The following FHAD1 variants were observed in gnomAD, a reference collection of about 807,000 sequenced individuals.
FHAD1 encodes the protein forkhead associated phosphopeptide binding domain 1.
In FHAD1, 146 loss-of-function variants were observed where a neutral mutation model predicts 191.3. The ratio of observed to expected loss-of-function variants is 0.76; its 90% CI spans 0.67 to 0.88. The LOEUF (loss-of-function observed/expected upper bound fraction) is 0.88. Among genes scored for constraint, FHAD1 ranks in the 40% least tolerant of loss-of-function variants. The probability of loss-of-function intolerance (pLI) is 0.00; values close to 1 mark genes in which losing one functional copy is unlikely to be tolerated. For missense variants in FHAD1, 1,635 were observed against 1,785.8 expected (o/e 0.92, Z 1.52); for synonymous variants, 616 against 672.3 (o/e 0.92, Z 1.29).
intron 6 of FHAD1, among the ~76,000 whole-genome samples, chr1:15,304,733 G>A (rs1669878397): frequency 6.6e-6 from 1 of 152,170 alleles, no homozygotes; most frequent in African/African-American, 2.4e-5. Flanking sequence ...TGCAGCCCAT[G>A]TCCCTCCATC....
In FHAD1 at chr1:15,263,510, C is replaced by CTTTTTTTT. The variant is rs771788861; in HGVS notation, c.94-8795_94-8788dup. 2.0e-3 allele frequency among the ~76,000 whole-genome samples: 148 copies of CTTTTTTTT among 75,078 alleles called. 4 individuals carry two copies. Among genetic ancestry groups the CTTTTTTTT allele is most frequent in the Non-Finnish European group, 2.7e-3 (99 of 37,182 alleles). 49.3% of individuals were successfully genotyped at this position (75,078 alleles called of 152,430 possible). ...TGTAAGTTAAGGGTCCAGTTTTATTCTTTTTTTTTTTTTTTTTTTTTTTTT... is the reference window on the plus strand; with the variant it reads ...TGTAAGTTAAGGGTCCAGTTTTATTCTTTTTTTTTTTTTTTTTTTTTTTTTTTTTTTTT... On this transcript the variant is annotated intron_variant, in intron 2 of 33. Coordinates refer to ENST00000688493, the MANE Select transcript of FHAD1 (RefSeq NM_001391957.1).
chr1:15,242,252 A>G (rs1013850173), upstream of FHAD1, among the ~76,000 whole-genome samples: 115 of 135,866 alleles, frequency 8.5e-4, no homozygotes, highest in African/African-American at 3.0e-3. Context: ...AAAAAAAAAA[A>G]AGTTTACAAA....
chr1:15,255,426 T>G (rs1184860349), intron 2 of FHAD1, among the ~76,000 whole-genome samples: 1 of 152,252 alleles, frequency 6.6e-6, no homozygotes, highest in African/African-American at 2.4e-5. Context: ...TATTGGTATT[T>G]GTAGGGTTTT....
chr1:15,310,099 G>A (rs988645634), intron 7 of FHAD1, among the ~76,000 whole-genome samples: 5 of 152,158 alleles, frequency 3.3e-5, no homozygotes, highest in Non-Finnish European at 4.4e-5. Flanking sequence ...AGATGATAGG[G>A]CCATGGACAG....
Position 15,253,414 on chromosome 1 carries a change from A to G in FHAD1, c.93+1537A>G, listed in dbSNP as rs183622263. On this transcript the variant is annotated intron_variant, in intron 2 of 33. Transcript: ENST00000688493. Reference sequence around the variant, plus strand: ...ATATGTCAATGTGGAAAGAATTTATATATTTACTATGTGGTTTTTCAATCC... The same window carrying G: ...ATATGTCAATGTGGAAAGAATTTATGTATTTACTATGTGGTTTTTCAATCC... Among the ~76,000 whole-genome samples the G allele has an allele frequency of 3.3e-5, 5 of 152,252 alleles. No individual in the cohort carries two copies. The East Asian group carries it at 5.8e-4, about 18-fold the overall frequency.
intron 2 of FHAD1, among the ~76,000 whole-genome samples, chr1:15,271,694 A>G (rs566558447): frequency 6.4e-4 from 98 of 152,274 alleles, no homozygotes; most frequent in African/African-American, 2.2e-3. Context: ...GGTGTGATTA[A>G]TTTTGTTTAA....
rs1672563199 is a variant in FHAD1 at position 15,312,459 on chromosome 1, G to A, written c.1040-598G>A. On this transcript the variant is annotated intron_variant, in intron 7 of 33. Transcript: ENST00000688493. This position sits in a 1 kb window ranked among gnomAD's most constrained non-coding sequence, Gnocchi z 4.7. ...GTGGATTGCTTCAGCCTGGGAGTTT[G>A]AGACCCGCCTGGGCAACATGGGCAA... is the stretch of plus-strand genomic sequence containing the variant. Among the ~76,000 whole-genome samples, 1 of 152,140 alleles carries A rather than the reference G, an allele frequency of 6.6e-6. No individual in the cohort carries two copies. The highest frequency in any genetic ancestry group is 2.4e-5 in the African/African-American group (1 of 41,428).
chr1:15,240,070 A>G lies in FHAD1; in HGVS notation c.-15+3309A>G, dbSNP rs139269969. On this transcript the variant is annotated intron_variant, in intron 1 of 33. Coordinates refer to the FHAD1 transcript ENST00000683790. Reference sequence around the variant, plus strand: ...CCTGTAACTTATTTTAAGCTGTAGAATACAGCAAAGGTGATGGGATGTAAT... The same window carrying G: ...CCTGTAACTTATTTTAAGCTGTAGAGTACAGCAAAGGTGATGGGATGTAAT... Among the ~76,000 whole-genome samples the G allele has an allele frequency of 9.8e-5, 15 of 152,368 alleles. No homozygotes were observed. In the East Asian group the frequency reaches 2.5e-3, roughly 25 times the overall value.
chr1:15,313,768 C>T (rs1031498826), intron 8 of FHAD1, among the ~76,000 whole-genome samples: 4 of 152,042 alleles, frequency 2.6e-5, no homozygotes. Flanking sequence ...AAGTCAAGAG[C>T]TGTTTAAAAG....
upstream of FHAD1, among the ~76,000 whole-genome samples, chr1:15,243,580 C>T (rs1645653309): frequency 6.6e-6 from 1 of 152,206 alleles, no homozygotes; most frequent in Non-Finnish European, 1.5e-5. Flanking sequence ...GGGTTAGGCT[C>T]TCCCCAGGCA....
chr1:15,271,354 A>G (rs963165180), intron 2 of FHAD1, among the ~76,000 whole-genome samples: 1 of 152,182 alleles, frequency 6.6e-6, no homozygotes, highest in Admixed American at 6.5e-5. Flanking sequence ...TGCAGCTCAC[A>G]GTCAGAACAT....
At chr1:15,237,015 C>A (rs1044250236) in intron 1 of FHAD1, among the ~76,000 whole-genome samples, 1 of 152,186 alleles carries the variant, frequency 6.6e-6, no homozygotes, top group East Asian at 1.9e-4. Context: ...CTGCTCCTTG[C>A]TGCCGCCATG....
chr1:15,383,348 T>TC (rs1701355470), intron 31 of FHAD1: 1 of 427,218 alleles, frequency 2.3e-6, no homozygotes, highest in African/African-American at 2.0e-5. Context: ...GACACTGCCT[T>TC]CCCCATGCTG....
At chr1:15,371,519 C>T (rs796977171) in intron 26 of FHAD1, among the ~76,000 whole-genome samples, 1 of 152,162 alleles carries the variant, frequency 6.6e-6, no homozygotes, top group South Asian at 2.1e-4. Context: ...TAAATAAATT[C>T]CCAGCAGATC....
At chr1:15,366,916 G>A (rs1256945424) in intron 24 of FHAD1, among the ~76,000 whole-genome samples, 2 of 152,198 alleles carry the variant, frequency 1.3e-5, no homozygotes, top group African/African-American at 4.8e-5. Flanking sequence ...GGCAGGAGCT[G>A]GAAGATGGAA....
intron 1 of FHAD1, among the ~76,000 whole-genome samples, chr1:15,248,609 T>C (rs1183206982): frequency 6.8e-6 from 1 of 147,414 alleles, no homozygotes. Flanking sequence ...TGAGACAGAG[T>C]CTTGCTCTGT....
Position 15,316,490 on chromosome 1 carries a change from T to C in FHAD1, c.1260+23T>C. 6.5e-7 allele frequency: 1 copy of C among 1,547,036 alleles called. No homozygotes were observed. Among genetic ancestry groups the C allele is most frequent in the African/African-American group, 1.4e-5 (1 of 73,022 alleles). ...ACCGTGAGTTGAGCTTCCTCCTTTG[T>C]AGGTACCACCAGAAAAAACAGAGTT... On this transcript the variant is annotated intron_variant, in intron 9 of 33. Coordinates refer to ENST00000688493, the MANE Select transcript of FHAD1 (RefSeq NM_001391957.1). This position sits in a 1 kb window ranked among gnomAD's most constrained non-coding sequence, Gnocchi z 4.3.
chr1:15,287,495 G>C (rs908884451), intron 3 of FHAD1, among the ~76,000 whole-genome samples: 28 of 152,162 alleles, frequency 1.8e-4, no homozygotes, highest in African/African-American at 5.8e-4. Flanking sequence ...GCAGAGCAAG[G>C]GGGTGGGGAA....
Position 15,272,787 on chromosome 1 carries a change from T to C in FHAD1, c.300+258T>C, listed in dbSNP as rs79407816. On this transcript the variant is annotated intron_variant, in intron 3 of 33. Transcript: ENST00000688493. ...TCACATAGAACCAGTTTTCCAAAAA[T>C]GTGCAACTTCCTGAGAGGAGGCGGA... 6.1e-3 allele frequency among the ~76,000 whole-genome samples: 933 copies of C among 152,342 alleles called. 44 individuals carry two copies. The East Asian group carries it at 0.096, about 16-fold the overall frequency.
Sources: allele counts gnomAD v4.1 joint callset (sites outside exome capture counted in the v4.1 genomes callset), GRCh38; gene constraint gnomAD v4.1.1; non-coding constraint Gnocchi (gnomAD v3.1); transcripts MANE v1.5; gene names NCBI Gene and HGNC (gene_info 2026-07-23, HGNC 2026-07-21).